Variants in GRM5 observed in about 807,000 individuals in gnomAD.
GRM5 encodes metabotropic glutamate receptor 5.
GRM5 carries 19 observed loss-of-function variants against 83.1 expected under a neutral mutation model. The observed-to-expected ratio is 0.23, with a 90% CI of 0.16 to 0.34. The LOEUF (loss-of-function observed/expected upper bound fraction) is 0.34, where lower values mean the gene tolerates loss of function less well. GRM5 is among the 10% of genes least tolerant of loss of function. The pLI is 1.00. For missense variants in GRM5, 1,160 were observed against 1,588.3 expected, an observed-to-expected ratio of 0.73 and a Z score of 4.58; for synonymous variants, 675 against 633.6, an observed-to-expected ratio of 1.07 and a Z score of -0.98.
At position 88,597,232 on chromosome 11, in the gene GRM5, G is replaced by A. The variant is rs773243095; in HGVS notation, c.1515C>T (p.Asn505=). Residue 505 remains asparagine, a synonymous_variant, in exon 6 of 10, where the codon AAC becomes AAT. Coordinates refer to ENST00000305447, the MANE Select transcript of GRM5 (RefSeq NM_001143831.3). The part of the protein sequence containing the change: ...DDDEVWSKKS[N]IIRSVCSEPC... ...GTTCACTGCACACAGATCTGATGATGTTGCTTTTCTTGGACCATACTTCAT... is the reference window on the plus strand; with the variant it reads ...GTTCACTGCACACAGATCTGATGATATTGCTTTTCTTGGACCATACTTCAT... 15 of 1,610,012 alleles carry A rather than the reference G, an allele frequency of 9.3e-6. 1 individual carries two copies. The South Asian group carries it at 1.3e-4, about 14-fold the overall frequency.
intron 4 of GRM5, among the ~76,000 whole-genome samples, chr11:88,649,983 A>G (rs1173817602): frequency 6.6e-6 from 1 of 151,870 alleles, no homozygotes. Flanking sequence ...ATTGCAAAAA[A>G]AATTCTGAAG....
intron 2 of GRM5, among the ~76,000 whole-genome samples, chr11:88,908,513 T>C (rs1482991529): frequency 6.6e-6 from 1 of 152,134 alleles, no homozygotes; most frequent in African/African-American, 2.4e-5. Context: ...CCAGATTCGG[T>C]AACTATCTTT....
chr11:88,567,060 T>C lies in GRM5; in HGVS notation c.2623A>G (p.Thr875Ala). 1 of 1,602,838 alleles carries C rather than the reference T, an allele frequency of 6.2e-7. No individual in the cohort carries two copies. The highest frequency in any genetic ancestry group is 8.5e-7 in the Non-Finnish European group (1 of 1,172,806). The change falls in exon 8 of 10, where the codon ACC becomes GCC. Residue 875 changes from threonine (T) to alanine (A), a missense_variant. Around this residue, in one of 9 missense-constraint regions of GRM5, gnomAD observed 562 missense variants for 532.4 expected, o/e 1.06. Transcript: ENST00000305447. The surrounding 1 kb of genome is among the most constrained non-coding windows in gnomAD (Gnocchi z 7.3). ...LWKRRGSSGE[T>A]LRYKDRRLAQ... ...AGCCCCCACAACTTTTACCTTAAGG[T>C]TTCCCCAGAGGAGCCCCTTCTCTTC...
intron 4 of GRM5, among the ~76,000 whole-genome samples, chr11:88,618,547 G>A (rs778483635): frequency 1.1e-4 from 16 of 151,546 alleles, no homozygotes; most frequent in Non-Finnish European, 1.9e-4. Context: ...CTTACTGCAT[G>A]TCAGACACTG....
At chr11:88,616,762 T>G (rs1263571237) in intron 4 of GRM5, among the ~76,000 whole-genome samples, 1 of 152,128 alleles carries the variant, frequency 6.6e-6, no homozygotes, top group Non-Finnish European at 1.5e-5. Flanking sequence ...TAGTACTGAT[T>G]TTTATCATAT....
At chr11:88,685,651 G>A (rs1216085457) in intron 3 of GRM5, among the ~76,000 whole-genome samples, 1 of 152,164 alleles carries the variant, frequency 6.6e-6, no homozygotes, top group Non-Finnish European at 1.5e-5. Context: ...CAGGGTCCCA[G>A]TGCTGTGTGC....
chr11:88,761,137 G>A (rs1023439728), intron 3 of GRM5, among the ~76,000 whole-genome samples: 1 of 152,104 alleles, frequency 6.6e-6, no homozygotes, highest in East Asian at 1.9e-4. Context: ...TTGAAAATCA[G>A]CACAAGATGA....
chr11:88,535,180 T>C (rs926526528), intron 8 of GRM5, among the ~76,000 whole-genome samples: 6 of 152,206 alleles, frequency 3.9e-5, no homozygotes, highest in Admixed American at 1.3e-4. Flanking sequence ...ATTGTCACAT[T>C]CTTCTTAACA....
At chr11:88,537,758 A>G (rs1341281592) in intron 8 of GRM5, among the ~76,000 whole-genome samples, 1 of 152,196 alleles carries the variant, frequency 6.6e-6, no homozygotes, top group East Asian at 1.9e-4. Flanking sequence ...GCAGAAAAAC[A>G]TCTTTTGCAC....
intron 2 of GRM5, among the ~76,000 whole-genome samples, chr11:88,930,153 A>G (rs1256541023): frequency 6.6e-6 from 1 of 152,126 alleles, no homozygotes; most frequent in East Asian, 1.9e-4. Flanking sequence ...AGTGACCTGT[A>G]ATACCAATGA....
chr11:88,790,901 G>A (rs1182531349), intron 3 of GRM5, among the ~76,000 whole-genome samples: 1 of 152,164 alleles, frequency 6.6e-6, no homozygotes, highest in Non-Finnish European at 1.5e-5. Flanking sequence ...TATCTTGCAG[G>A]CAATGGGGAG....
At chr11:88,906,119 A>G (rs1945398844) in intron 2 of GRM5, among the ~76,000 whole-genome samples, 1 of 152,190 alleles carries the variant, frequency 6.6e-6, no homozygotes, top group Non-Finnish European at 1.5e-5. Flanking sequence ...TTAATTTTAC[A>G]GTGTCTCTCT....
intron 2 of GRM5, among the ~76,000 whole-genome samples, chr11:88,928,452 G>GTT: frequency 8.6e-5 from 1 of 11,644 alleles, no homozygotes; most frequent in East Asian, 3.8e-3. Flanking sequence ...TCATATGTGT[G>GTT]TGTGTGTGTG....
chr11:88,607,435 T>C (rs1333956572), intron 4 of GRM5, among the ~76,000 whole-genome samples: 1 of 152,196 alleles, frequency 6.6e-6, no homozygotes, highest in Non-Finnish European at 1.5e-5. Flanking sequence ...CTGTCTAGAT[T>C]ACAGCAATAG....
At chr11:88,810,785 TA>T (rs768377413) in intron 3 of GRM5, among the ~76,000 whole-genome samples, 1 of 152,104 alleles carries the variant, frequency 6.6e-6, no homozygotes, top group African/African-American at 2.4e-5. Flanking sequence ...GATCATTGAA[TA>T]AAAAAGAGTT....
At chr11:88,883,103 A>T (rs1026169339) in intron 2 of GRM5, among the ~76,000 whole-genome samples, 1 of 152,218 alleles carries the variant, frequency 6.6e-6, no homozygotes, top group African/African-American at 2.4e-5. Context: ...CTTTAATAGC[A>T]GTGTGAGAAC....
intron 5 of GRM5, among the ~76,000 whole-genome samples, chr11:88,601,160 C>A (rs549819302): frequency 8.5e-5 from 13 of 152,266 alleles, no homozygotes; most frequent in East Asian, 7.7e-4. Flanking sequence ...GACTATGCAA[C>A]CTTGGACATG....
At chr11:88,856,827 G>A (rs1334719251) in intron 2 of GRM5, among the ~76,000 whole-genome samples, 1 of 151,996 alleles carries the variant, frequency 6.6e-6, no homozygotes, top group African/African-American at 2.4e-5. Context: ...TGGGACCACT[G>A]TGGCATATGC....
At chr11:88,876,942 T>C (rs536795759) in intron 2 of GRM5, among the ~76,000 whole-genome samples, 3 of 152,242 alleles carry the variant, frequency 2.0e-5, no homozygotes, top group Admixed American at 1.3e-4. Flanking sequence ...GAAGACATTA[T>C]GTTAAGTTAA....
Sources: allele counts gnomAD v4.1 joint callset (sites outside exome capture counted in the v4.1 genomes callset), GRCh38; gene constraint gnomAD v4.1.1; regional missense constraint gnomAD v4.1.1; non-coding constraint Gnocchi (gnomAD v3.1); transcripts MANE v1.5; gene names NCBI Gene and HGNC (gene_info 2026-07-23, HGNC 2026-07-21).